Variants in LURAP1L observed in about 807,000 individuals in gnomAD.
LURAP1L encodes the protein leucine rich adaptor protein 1-like.
Under a neutral mutation model 13.8 loss-of-function variants are expected in LURAP1L, and 12 were observed. The ratio of observed to expected loss-of-function variants is 0.87; its 90% CI spans 0.56 to 1.41. LURAP1L has a LOEUF of 1.41. Among genes scored for constraint, LURAP1L ranks in the 40% most tolerant of loss-of-function variants. The pLI is 0.00. For missense variants in LURAP1L, 375 were observed against 292.9 expected (o/e 1.28, Z -2.04); for synonymous variants, 139 against 119.2 (o/e 1.17, Z -1.08).
At chr9:12,789,891 T>C (rs2118487221) in intron 1 of LURAP1L, among the ~76,000 whole-genome samples, 1 of 152,324 alleles carries the variant, frequency 6.6e-6, no homozygotes, top group East Asian at 1.9e-4. Flanking sequence ...GCAGGAACCA[T>C]GGACAAGAAT....
chr9:12,775,556 A>C lies in LURAP1L; in HGVS notation c.-160A>C, dbSNP rs999869186. On this transcript the variant is annotated 5_prime_UTR_variant, in exon 1 of 2. Transcript: ENST00000319264. The stretch of plus-strand genomic sequence containing the variant: ...GCGTCCTGTGCGGATTTCAGGGCTG[A>C]TACCGCATAGGCGGTTATGGAAAGG... The C allele has an allele frequency of 8.1e-7, 1 of 1,230,682 alleles. No homozygotes were observed. The allele number at this position is 1,230,682 out of a possible 1,614,324, so 76.2% of individuals were successfully genotyped here. A position where few individuals can be genotyped will look rare whatever the true frequency, so the allele number is the denominator to read the frequency against.
At chr9:12,784,390 A>G (rs931289109) in intron 1 of LURAP1L, among the ~76,000 whole-genome samples, 41 of 152,282 alleles carry the variant, frequency 2.7e-4, no homozygotes, top group Admixed American at 7.2e-4. Flanking sequence ...AGATCTAAGT[A>G]TTTGCCTATT....
chr9:12,798,326 T>C (rs1209310257), intron 1 of LURAP1L, among the ~76,000 whole-genome samples: 1 of 152,194 alleles, frequency 6.6e-6, no homozygotes, highest in African/African-American at 2.4e-5. Flanking sequence ...TACCTATAGT[T>C]GGTTGACTCC....
intron 1 of LURAP1L, among the ~76,000 whole-genome samples, chr9:12,812,486 T>G (rs1363234169): frequency 6.6e-6 from 1 of 152,204 alleles, no homozygotes; most frequent in Admixed American, 6.5e-5. Flanking sequence ...AGATCACTTT[T>G]CTTTTCAAGT....
intron 1 of LURAP1L, among the ~76,000 whole-genome samples, chr9:12,816,110 AT>A (rs1194109330): frequency 6.6e-6 from 1 of 152,166 alleles, no homozygotes; most frequent in African/African-American, 2.4e-5. Context: ...ATATCAGAGA[AT>A]ATGTCGAAAT....
intron 1 of LURAP1L, among the ~76,000 whole-genome samples, chr9:12,781,292 T>C (rs1819266584): frequency 6.6e-6 from 1 of 152,192 alleles, no homozygotes; most frequent in South Asian, 2.1e-4. Context: ...TTTTTAAATG[T>C]ACAATAAATT....
At chr9:12,819,153 C>A (rs1819841632) in intron 1 of LURAP1L, among the ~76,000 whole-genome samples, 1 of 152,120 alleles carries the variant, frequency 6.6e-6, no homozygotes, top group Admixed American at 6.5e-5. Flanking sequence ...AAGTTCACAT[C>A]CTTCTGTTCA....
At chr9:12,799,663 G>A (rs1175825223) in intron 1 of LURAP1L, among the ~76,000 whole-genome samples, 7 of 152,182 alleles carry the variant, frequency 4.6e-5, no homozygotes, top group African/African-American at 1.7e-4. Flanking sequence ...GATGGATCAC[G>A]AGGTCAGGAG....
chr9:12,810,852 A>C (rs1163715382), intron 1 of LURAP1L, among the ~76,000 whole-genome samples: 1 of 152,206 alleles, frequency 6.6e-6, no homozygotes, highest in Non-Finnish European at 1.5e-5. Context: ...TCCAAATGAA[A>C]ATATTTAGTC....
At chr9:12,790,166 G>A (rs1819420670) in intron 1 of LURAP1L, among the ~76,000 whole-genome samples, 1 of 152,080 alleles carries the variant, frequency 6.6e-6, no homozygotes, top group African/African-American at 2.4e-5. Flanking sequence ...GTGAAAGTCT[G>A]TGGACAAAAT....
chr9:12,803,690 G>T (rs1249435987), intron 1 of LURAP1L, among the ~76,000 whole-genome samples: 3 of 152,150 alleles, frequency 2.0e-5, no homozygotes, highest in Non-Finnish European at 2.9e-5. Flanking sequence ...AAAGGAAATT[G>T]ATATTTTAGG....
chr9:12,815,346 C>T (rs1819790460), intron 1 of LURAP1L, among the ~76,000 whole-genome samples: 1 of 152,144 alleles, frequency 6.6e-6, no homozygotes, highest in African/African-American at 2.4e-5. Flanking sequence ...TTTATATAGA[C>T]TTTTAAAAAT....
intron 1 of LURAP1L, among the ~76,000 whole-genome samples, chr9:12,818,618 C>T (rs10960812): frequency 0.043 from 6,565 of 152,164 alleles, 435 homozygotes; most frequent in East Asian, 0.28. Flanking sequence ...GTGAAGCAGG[C>T]CAGCAGAGGA....
chr9:12,815,493 G>A (rs1819792824), intron 1 of LURAP1L, among the ~76,000 whole-genome samples: 1 of 152,152 alleles, frequency 6.6e-6, no homozygotes, highest in African/African-American at 2.4e-5. Context: ...TAAAAAGCAA[G>A]TCTAATCTTT....
At chr9:12,778,004 G>C (rs13300045) in intron 1 of LURAP1L, among the ~76,000 whole-genome samples, 31 of 152,192 alleles carry the variant, frequency 2.0e-4, no homozygotes, top group Non-Finnish European at 4.3e-4. Context: ...TATTTATTAA[G>C]ACTTTACTTT....
At chr9:12,790,984 T>A (rs955552021) in intron 1 of LURAP1L, among the ~76,000 whole-genome samples, 4 of 152,140 alleles carry the variant, frequency 2.6e-5, no homozygotes, top group Admixed American at 2.0e-4. Flanking sequence ...ATTACCTAAG[T>A]AGCATCAATC....
At chr9:12,788,163 G>GAAAGAAAGAAAGAA (rs1819386301) in intron 1 of LURAP1L, among the ~76,000 whole-genome samples, 2 of 144,202 alleles carry the variant, frequency 1.4e-5, no homozygotes, top group African/African-American at 5.2e-5. Context: ...AAGAAAGAAA[G>GAAAGAAAGAAAGAA]AAAGAAAGAA....
intron 1 of LURAP1L, among the ~76,000 whole-genome samples, chr9:12,816,779 C>G (rs938164493): frequency 4.6e-5 from 7 of 152,106 alleles, no homozygotes; most frequent in Admixed American, 6.5e-5. Flanking sequence ...GCCTGAGAGA[C>G]TAAGTAGGAA....
intron 1 of LURAP1L, among the ~76,000 whole-genome samples, chr9:12,815,729 C>G (rs989498967): frequency 5.9e-5 from 9 of 152,114 alleles, no homozygotes; most frequent in Non-Finnish European, 1.5e-5. Context: ...GTATATGATG[C>G]TATCCAAGGC....
Sources: gnomAD v4.1 joint callset for allele counts (sites outside exome capture counted in the v4.1 genomes callset) on GRCh38, gnomAD v4.1.1 for gene constraint, MANE v1.5 for transcripts, NCBI Gene and HGNC (gene_info 2026-07-23, HGNC 2026-07-21) for gene names.